GPR39: variants seen among roughly 807,000 people sequenced by gnomAD.
GPR39 encodes G protein-coupled receptor 39.
A neutral mutation model predicts 18.4 loss-of-function variants in GPR39; 23 were observed. The observed-to-expected ratio is 1.25, with a 90% CI of 0.90 to 1.77. The LOEUF (loss-of-function observed/expected upper bound fraction) is 1.77. Ranked by LOEUF, GPR39 falls within the 40% of genes most tolerant of loss-of-function variation. GPR39 has a pLI of 0.00. For missense variants in GPR39, 647 were observed against 602.4 expected (o/e 1.07, Z -0.78); for synonymous variants, 280 against 257.9 (o/e 1.09, Z -0.82).
intron 1 of GPR39, among the ~76,000 whole-genome samples, chr2:132,426,304 A>C (rs567510295): frequency 1.3e-5 from 2 of 152,366 alleles, no homozygotes; most frequent in East Asian, 3.9e-4. Context: ...GAGAATTACA[A>C]AATTTGTGGG....
intron 1 of GPR39, among the ~76,000 whole-genome samples, chr2:132,626,146 T>C (rs1350764368): frequency 6.6e-6 from 1 of 151,724 alleles, no homozygotes; most frequent in Non-Finnish European, 1.5e-5. Context: ...AATGGTTAAA[T>C]GACATCCCCC....
chr2:132,483,918 G>A (rs1681282568), intron 1 of GPR39, among the ~76,000 whole-genome samples: 2 of 152,164 alleles, frequency 1.3e-5, no homozygotes, highest in African/African-American at 2.4e-5. Context: ...GCTATCCCAG[G>A]AATCCAGATA....
At position 132,476,005 on chromosome 2, in the gene GPR39, C is replaced by A. The variant is rs368578995; in HGVS notation, c.856+58107C>A. 1.4e-4 allele frequency among the ~76,000 whole-genome samples: 22 copies of A among 152,254 alleles called. 1 individual carries two copies. In the South Asian group the frequency reaches 4.6e-3, roughly 32 times the overall value. On this transcript the variant is annotated intron_variant, in intron 1 of 1. Coordinates refer to ENST00000329321, the MANE Select transcript of GPR39 (RefSeq NM_001508.3). The stretch of plus-strand genomic sequence containing the variant: ...GAAAGCTTGACTAATTGTGATGTCA[C>A]CACATGCCACTTAGCAGCAGCAGAG...
intron 1 of GPR39, among the ~76,000 whole-genome samples, chr2:132,529,325 G>C (rs532416021): frequency 3.3e-5 from 5 of 152,200 alleles, no homozygotes; most frequent in African/African-American, 1.2e-4. Context: ...CGCCATTGCC[G>C]AGGCTTGAGT....
chr2:132,573,756 C>T (rs1024630595), intron 1 of GPR39, among the ~76,000 whole-genome samples: 2 of 152,018 alleles, frequency 1.3e-5, no homozygotes, highest in Non-Finnish European at 2.9e-5. Flanking sequence ...TAATTGAATG[C>T]GAATGTCAGC....
In GPR39 at chr2:132,578,150, C is replaced by T. The variant is rs529113153; in HGVS notation, c.857-66951C>T. Among the ~76,000 whole-genome samples the T allele has an allele frequency of 2.2e-3, 296 of 136,170 alleles. 9 individuals carry two copies. Among genetic ancestry groups the T allele is most frequent in the African/African-American group, 7.9e-3 (283 of 35,792 alleles). The allele number at this position is 136,170 out of a possible 152,430, so 89.3% of individuals were successfully genotyped here. A position where few individuals can be genotyped will look rare whatever the true frequency, so the allele number is the denominator to read the frequency against. On this transcript the variant is annotated intron_variant, in intron 1 of 1. Transcript: ENST00000329321. ...CAATTGATATGATCACACGATTTTTCTTGAGCTTGTCGATGTGGTAGATTA... is the reference window on the plus strand; with the variant it reads ...CAATTGATATGATCACACGATTTTTTTTGAGCTTGTCGATGTGGTAGATTA...
intron 1 of GPR39, among the ~76,000 whole-genome samples, chr2:132,614,630 A>T (rs911331891): frequency 6.6e-6 from 1 of 151,786 alleles, no homozygotes; most frequent in Non-Finnish European, 1.5e-5. Context: ...GGCTCACTGC[A>T]ACCTCCACCT....
chr2:132,441,939 T>C (rs1301593586), intron 1 of GPR39, among the ~76,000 whole-genome samples: 1 of 152,200 alleles, frequency 6.6e-6, no homozygotes, highest in African/African-American at 2.4e-5. Flanking sequence ...TTGCTCCAGT[T>C]CCTATGGTGT....
chr2:132,629,233 G>T (rs1681605922), intron 1 of GPR39, among the ~76,000 whole-genome samples: 1 of 152,184 alleles, frequency 6.6e-6, no homozygotes, highest in Admixed American at 6.5e-5. Context: ...ATGATGCTAG[G>T]ACTGTAGTGT....
intron 1 of GPR39, among the ~76,000 whole-genome samples, chr2:132,448,467 TAAG>T (rs913978418): frequency 2.6e-5 from 4 of 152,214 alleles, no homozygotes; most frequent in Non-Finnish European, 5.9e-5. Context: ...GTTTCATGGA[TAAG>T]AAGAGGTCAG....
intron 1 of GPR39, among the ~76,000 whole-genome samples, chr2:132,598,452 T>TTTTTTTA (rs61327558): frequency 7.1e-6 from 1 of 140,814 alleles, no homozygotes; most frequent in African/African-American, 2.6e-5. Context: ...TTTTTTTTTT[T>TTTTTTTA]AAGCAATGGG....
intron 1 of GPR39, among the ~76,000 whole-genome samples, chr2:132,450,828 C>T (rs1234397639): frequency 3.3e-5 from 5 of 152,222 alleles, no homozygotes; most frequent in African/African-American, 1.2e-4. Flanking sequence ...CAAATAGCTC[C>T]AGCAGACAGC....
intron 1 of GPR39, among the ~76,000 whole-genome samples, chr2:132,585,697 G>A (rs1455641381): frequency 6.6e-6 from 1 of 152,066 alleles, no homozygotes; most frequent in Non-Finnish European, 1.5e-5. Context: ...ACGGGCAAGG[G>A]GGGCGCAGTT....
chr2:132,568,814 T>C (rs887564972), intron 1 of GPR39, among the ~76,000 whole-genome samples: 7 of 152,084 alleles, frequency 4.6e-5, no homozygotes, highest in Non-Finnish European at 4.4e-5. Context: ...CTGCTAAACA[T>C]GCACAGCACC....
At chr2:132,552,800 G>A (rs1489095148) in intron 1 of GPR39, among the ~76,000 whole-genome samples, 1 of 43,952 alleles carries the variant, frequency 2.3e-5, no homozygotes, top group Admixed American at 2.5e-4. Flanking sequence ...GTATATATGT[G>A]TGTGTGTGTG....
chr2:132,540,490 A>G (rs559296808), intron 1 of GPR39, among the ~76,000 whole-genome samples: 12 of 152,182 alleles, frequency 7.9e-5, no homozygotes, highest in Non-Finnish European at 1.5e-4. Context: ...ACTGACTCCT[A>G]CTGGAGACCC....
At chr2:132,504,383 G>T (rs1025614681) in intron 1 of GPR39, among the ~76,000 whole-genome samples, 1 of 152,144 alleles carries the variant, frequency 6.6e-6, no homozygotes. Context: ...GTGAAAGAAG[G>T]AGCAAGCCAC....
chr2:132,636,533 G>T (rs1485666410), intron 1 of GPR39, among the ~76,000 whole-genome samples: 1 of 152,230 alleles, frequency 6.6e-6, no homozygotes, highest in Non-Finnish European at 1.5e-5. Flanking sequence ...AGGGCTGCAT[G>T]ATTTTACCAG....
chr2:132,517,412 C>G (rs1679353285), intron 1 of GPR39, among the ~76,000 whole-genome samples: 1 of 151,878 alleles, frequency 6.6e-6, no homozygotes, highest in Non-Finnish European at 1.5e-5. Flanking sequence ...AGTTTAAGTC[C>G]CTCAAGTCAG....
Sources: allele counts gnomAD v4.1 joint callset (sites outside exome capture counted in the v4.1 genomes callset), GRCh38; gene constraint gnomAD v4.1.1; transcripts MANE v1.5; gene names NCBI Gene and HGNC (gene_info 2026-07-23, HGNC 2026-07-21).